TULP4: variants seen among roughly 807,000 people sequenced by gnomAD.
TULP4 encodes the protein tubby-related protein 4.
In TULP4, 16 loss-of-function variants were observed where a neutral mutation model predicts 129.0. The ratio of observed to expected loss-of-function variants is 0.12; its 90% CI spans 0.08 to 0.19. The LOEUF (loss-of-function observed/expected upper bound fraction) is 0.19, where lower values mean the gene tolerates loss of function less well. Ranked by LOEUF, TULP4 falls within the 10% of genes least tolerant of loss-of-function variation. The pLI, the probability that TULP4 is intolerant of heterozygous loss-of-function variation, is 1.00. For synonymous variants in TULP4, 998 were observed against 854.0 expected (o/e 1.17, Z -2.94); for missense variants, 1,842 against 2,059.1 (o/e 0.89, Z 2.04).
chr6:158,273,240 G>A (rs112060022), intron 1 of TULP4, among the ~76,000 whole-genome samples: 2,360 of 152,260 alleles, frequency 0.015, 67 homozygotes, highest in African/African-American at 0.054. Context: ...GGACCTTTCT[G>A]CAGGCCCTCT....
At position 158,479,744 on chromosome 6, in the gene TULP4, C is replaced by T; in HGVS notation, c.1027-7C>T. The T allele has an allele frequency of 6.2e-7, 1 of 1,611,856 alleles. No homozygotes were observed. Among genetic ancestry groups the T allele is most frequent in the East Asian group, 2.2e-5 (1 of 44,798 alleles). On this transcript the variant is annotated splice_region_variant and splice_polypyrimidine_tract_variant and intron_variant, in intron 6 of 13. Coordinates refer to ENST00000367097, the MANE Select transcript of TULP4 (RefSeq NM_020245.5). ...TTAAGCATTGTCTTCCCTTCACTTC[C>T]TGCCAGCGCCCCATCATCTCCATCT... is the stretch of plus-strand genomic sequence containing the variant.
intron 1 of TULP4, among the ~76,000 whole-genome samples, chr6:158,358,003 G>T (rs1419760194): frequency 2.0e-5 from 3 of 152,190 alleles, no homozygotes; most frequent in Admixed American, 1.3e-4. Context: ...GGTTGTGTCT[G>T]CCCTGACACA....
intron 8 of TULP4, among the ~76,000 whole-genome samples, chr6:158,483,944 G>A (rs1780007130): frequency 6.6e-6 from 1 of 151,096 alleles, no homozygotes; most frequent in African/African-American, 2.4e-5. Flanking sequence ...TTTCAGACAG[G>A]GTCTCACGGT....
At chr6:158,393,935 T>C (rs1343253624) in intron 1 of TULP4, among the ~76,000 whole-genome samples, 1 of 152,240 alleles carries the variant, frequency 6.6e-6, no homozygotes, top group Non-Finnish European at 1.5e-5. Flanking sequence ...GGTTTTTCCT[T>C]TCTACCACAT....
At chr6:158,488,922 C>T (rs1026856872) in intron 8 of TULP4, among the ~76,000 whole-genome samples, 5 of 152,134 alleles carry the variant, frequency 3.3e-5, no homozygotes, top group Non-Finnish European at 7.3e-5. Context: ...TCCCACTCTG[C>T]ACATCATCTC....
chr6:158,375,541 G>C (rs930308281), intron 1 of TULP4, among the ~76,000 whole-genome samples: 1 of 152,150 alleles, frequency 6.6e-6, no homozygotes, highest in Non-Finnish European at 1.5e-5. Flanking sequence ...TTTCCTCTGG[G>C]GATGGAAGAA....
intron 1 of TULP4, chr6:158,242,404 C>T (rs765544657): frequency 7.1e-6 from 10 of 1,407,388 alleles, no homozygotes; most frequent in Non-Finnish European, 9.0e-6. Flanking sequence ...TCATAAGCAT[C>T]GTGGGAGTTT....
chr6:158,328,561 C>T (rs1779800823), intron 1 of TULP4, among the ~76,000 whole-genome samples: 1 of 152,142 alleles, frequency 6.6e-6, no homozygotes, highest in African/African-American at 2.4e-5. Context: ...TGCCTAGTTA[C>T]ATCTCATATG....
At position 158,502,644 on chromosome 6, in the gene TULP4, C is replaced by T; in HGVS notation, c.2981C>T (p.Ala994Val). Residue 994 changes from alanine (A) to valine (V), a missense_variant, in exon 13 of 14, where the codon GCT becomes GTT. Around this residue, in one of 5 missense-constraint regions of TULP4, gnomAD observed 1,089 missense variants for 987.1 expected, o/e 1.10. Transcript: ENST00000367097. ...HATLRRNNRE[A>V]TLKMAQLADS... is the part of the protein sequence containing the mutation. ...ACCCTGCGGAGGAACAACCGTGAGG[C>T]TACGCTCAAGATGGCCCAGCTGGCC... is the stretch of plus-strand genomic sequence containing the variant. 1.3e-6 allele frequency: 2 copies of T among 1,582,384 alleles called. No homozygotes were observed. Among genetic ancestry groups the T allele is most frequent in the South Asian group, 2.2e-5 (2 of 88,922 alleles).
At chr6:158,239,130 G>T (rs1777793127) in intron 1 of TULP4, among the ~76,000 whole-genome samples, 1 of 115,690 alleles carries the variant, frequency 8.6e-6, no homozygotes, top group South Asian at 2.9e-4. Context: ...AGTAGGGGCG[G>T]CCGGGCAGAG....
chr6:158,392,038 C>T (rs142999204), intron 1 of TULP4, among the ~76,000 whole-genome samples: 9 of 152,190 alleles, frequency 5.9e-5, no homozygotes, highest in East Asian at 1.9e-4. Context: ...CTGCTGAAAA[C>T]GAAAGACATA....
chr6:158,482,149 A>G (rs1571962), intron 8 of TULP4, among the ~76,000 whole-genome samples: 71,957 of 151,938 alleles, frequency 0.47, 17,262 homozygotes, highest in South Asian at 0.57. Flanking sequence ...TCATTAGTTC[A>G]TGCTTCCTCT....
At chr6:158,351,188 C>T (rs1780509705) in intron 1 of TULP4, among the ~76,000 whole-genome samples, 1 of 152,206 alleles carries the variant, frequency 6.6e-6, no homozygotes, top group African/African-American at 2.4e-5. Context: ...CGAATACTAA[C>T]ACTTATGTAG....
chr6:158,433,076 GA>G (rs1271549664), intron 3 of TULP4, among the ~76,000 whole-genome samples: 1 of 152,120 alleles, frequency 6.6e-6, no homozygotes, highest in Non-Finnish European at 1.5e-5. Flanking sequence ...TTGGAACCAG[GA>G]TCCAGTTTAA....
chr6:158,499,885 T>C (rs1033451533), intron 12 of TULP4, among the ~76,000 whole-genome samples: 3 of 152,140 alleles, frequency 2.0e-5, no homozygotes, highest in East Asian at 1.9e-4. Context: ...TTTCCAACAA[T>C]AGCCATCTTG....
intron 1 of TULP4, among the ~76,000 whole-genome samples, chr6:158,383,150 C>A (rs1777367258): frequency 6.6e-6 from 1 of 152,198 alleles, no homozygotes; most frequent in Non-Finnish European, 1.5e-5. Flanking sequence ...CTCAAAGTCC[C>A]ATGGCCATTA....
chr6:158,406,637 A>G (rs1029606265), intron 1 of TULP4, among the ~76,000 whole-genome samples: 1 of 152,234 alleles, frequency 6.6e-6, no homozygotes, highest in Non-Finnish European at 1.5e-5. Context: ...CGTAATTATA[A>G]TGTAGCTCTT....
chr6:158,431,013 C>A (rs1360515657), intron 3 of TULP4, among the ~76,000 whole-genome samples: 1 of 151,962 alleles, frequency 6.6e-6, no homozygotes, highest in Non-Finnish European at 1.5e-5. Flanking sequence ...TATTTTTTCT[C>A]TTCTCAAAAT....
intron 6 of TULP4, among the ~76,000 whole-genome samples, chr6:158,474,740 T>G (rs1272746636): frequency 6.6e-6 from 1 of 152,230 alleles, no homozygotes; most frequent in Middle Eastern, 3.2e-3. Flanking sequence ...ATTTCAGATT[T>G]CTTTTTAATT....
Sources: allele counts gnomAD v4.1 joint callset (sites outside exome capture counted in the v4.1 genomes callset), GRCh38; gene constraint gnomAD v4.1.1; regional missense constraint gnomAD v4.1.1; transcripts MANE v1.5; gene names NCBI Gene and HGNC (gene_info 2026-07-23, HGNC 2026-07-21).